MAF: variants seen among roughly 807,000 people sequenced by gnomAD.
MAF encodes transcription factor Maf.
Under a neutral mutation model 22.0 loss-of-function variants are expected in MAF, and 10 were observed. That is an observed-to-expected ratio of 0.45 (90% CI 0.28 to 0.77). MAF has a LOEUF of 0.77. Among genes scored for constraint, MAF ranks in the 30% least tolerant of loss-of-function variants. The probability of loss-of-function intolerance (pLI) is 0.12; values close to 1 mark genes in which losing one functional copy is unlikely to be tolerated. For synonymous variants in MAF, 337 were observed against 255.8 expected (o/e 1.32, Z -3.03); for missense variants, 544 against 548.4 (o/e 0.99, Z 0.08).
chr16:79,430,702 T>C, the MAF span, among the ~76,000 whole-genome samples: 8 of 152,316 alleles, frequency 5.3e-5, no homozygotes, highest in South Asian at 1.4e-3. Flanking sequence ...CGGCTAGGCC[T>C]GCAGCTGGTG....
the MAF span, among the ~76,000 whole-genome samples, chr16:79,334,736 G>C: frequency 6.6e-6 from 1 of 152,098 alleles, no homozygotes; most frequent in African/African-American, 2.4e-5. Context: ...AGCACTCGAG[G>C]TTAGTGCACT....
chr16:79,483,820 T>G, the MAF span, among the ~76,000 whole-genome samples: 17,216 of 152,162 alleles, frequency 0.11, 959 homozygotes, highest in East Asian at 0.17. Flanking sequence ...CTCCATCCTG[T>G]GAGCAAATAA....
chr16:79,257,584 C>T, the MAF span, among the ~76,000 whole-genome samples: 2 of 152,300 alleles, frequency 1.3e-5, no homozygotes, highest in Non-Finnish European at 2.9e-5. Context: ...CCTTGTACTG[C>T]TTATCTTGCT....
chr16:79,327,988 A>G, the MAF span, among the ~76,000 whole-genome samples: 1 of 152,222 alleles, frequency 6.6e-6, no homozygotes, highest in Non-Finnish European at 1.5e-5. Flanking sequence ...TAACCTGAAC[A>G]AACTCCTGAA....
the MAF span, among the ~76,000 whole-genome samples, chr16:79,550,629 G>C: frequency 2.6e-5 from 4 of 152,260 alleles, no homozygotes; most frequent in South Asian, 6.2e-4. Context: ...CCTCATGCTT[G>C]TAAGGAGGTA....
At chr16:79,418,092 C>A in the MAF span, among the ~76,000 whole-genome samples, 1 of 152,082 alleles carries the variant, frequency 6.6e-6, no homozygotes, top group Non-Finnish European at 1.5e-5. Flanking sequence ...AAGTGTGCAA[C>A]TGGCCTGAGG....
At chr16:79,522,083 A>G in the MAF span, among the ~76,000 whole-genome samples, 2 of 152,130 alleles carry the variant, frequency 1.3e-5, no homozygotes, top group Non-Finnish European at 2.9e-5. Flanking sequence ...TGAGGTGTGT[A>G]GGGGGATAGA....
chr16:79,539,412 G>A, the MAF span, among the ~76,000 whole-genome samples: 1 of 152,290 alleles, frequency 6.6e-6, no homozygotes, highest in South Asian at 2.1e-4. Context: ...GCTGAGGCAA[G>A]AGAATCACTC....
chr16:79,211,971 CCTGGGGTAAAGTATCACTTTT>C, the MAF span: 5 of 1,532,756 alleles, frequency 3.3e-6, no homozygotes, highest in Middle Eastern at 1.7e-4. Flanking sequence ...GCAGGGAATT[CCTGGGGTAAAGTATCACTTTT>C]CTGGGGCTGG....
chr16:79,336,722 G>C, the MAF span, among the ~76,000 whole-genome samples: 87 of 152,240 alleles, frequency 5.7e-4, 1 homozygote, highest in East Asian at 0.016. Flanking sequence ...GGAGTTTCAT[G>C]ACTTTTTACT....
the MAF span, among the ~76,000 whole-genome samples, chr16:79,261,872 G>A: frequency 1.3e-5 from 2 of 152,204 alleles, no homozygotes; most frequent in Admixed American, 1.3e-4. Flanking sequence ...GAAGGGAGGG[G>A]CCAGAATGCT....
the MAF span, among the ~76,000 whole-genome samples, chr16:79,429,118 A>G: frequency 1.3e-5 from 2 of 152,194 alleles, no homozygotes; most frequent in African/African-American, 2.4e-5. Context: ...AACCTTTATA[A>G]GCTTTGTTTT....
At chr16:79,204,211 A>C in the MAF span, 2 of 152,298 alleles carry the variant, frequency 1.3e-5, no homozygotes, top group Non-Finnish European at 1.5e-5. Context: ...CCCAGGCAGC[A>C]TCAGAGGGAA....
chr16:79,425,597 C>A, the MAF span, among the ~76,000 whole-genome samples: 1 of 152,046 alleles, frequency 6.6e-6, no homozygotes, highest in Non-Finnish European at 1.5e-5. Flanking sequence ...TAGGTATTTG[C>A]CATCATTAAA....
the MAF span, among the ~76,000 whole-genome samples, chr16:79,265,015 T>C: frequency 1.3e-5 from 2 of 152,146 alleles, no homozygotes; most frequent in Non-Finnish European, 2.9e-5. Context: ...ATCAACTCTT[T>C]AGGAAGCTCT....
At chr16:79,588,520 C>T (rs192483826) in intron 1 of MAF, among the ~76,000 whole-genome samples, 5 of 152,032 alleles carry the variant, frequency 3.3e-5, no homozygotes, top group East Asian at 1.9e-4. Context: ...CTGCAACCTC[C>T]GCCTCCCAGG....
In MAF at chr16:79,597,376, A is replaced by G. The variant is rs1913595321; in HGVS notation, c.1118+1409T>C. 5.8e-6 allele frequency: 6 copies of G among 1,036,162 alleles called. No homozygotes were observed. The East Asian group carries it at 2.3e-4, about 41-fold the overall frequency. The allele number at this position is 1,036,162 out of a possible 1,614,324, so 64.2% of individuals were successfully genotyped here. A position where few individuals can be genotyped will look rare whatever the true frequency, so the allele number is the denominator to read the frequency against. ...AAGCCAAAAAATATAAAATAAAAAT[A>G]AAACAAACCAAAAATAATGGGGCAG... On this transcript the variant is annotated intron_variant, in intron 1 of 1. Coordinates refer to ENST00000326043, the MANE Select transcript of MAF (RefSeq NM_005360.5).
chr16:79,497,243 A>G, the MAF span, among the ~76,000 whole-genome samples: 1 of 152,206 alleles, frequency 6.6e-6, no homozygotes, highest in Non-Finnish European at 1.5e-5. Flanking sequence ...ACAAGCAATA[A>G]TACAGAAGAA....
Position 79,597,387 on chromosome 16 carries a change from A to G in MAF, c.1118+1398T>C, listed in dbSNP as rs904058284. The G allele has an allele frequency of 7.7e-6, 8 of 1,034,704 alleles. No homozygotes were observed. The African/African-American group carries it at 1.3e-4, about 17-fold the overall frequency. The allele number at this position is 1,034,704 out of a possible 1,614,324, so 64.1% of individuals were successfully genotyped here. Reference sequence around the variant, plus strand: ...TATAAAATAAAAATAAAACAAACCAAAAATAATGGGGCAGTTTCTCTTTTT... The same window carrying G: ...TATAAAATAAAAATAAAACAAACCAGAAATAATGGGGCAGTTTCTCTTTTT... On this transcript the variant is annotated intron_variant, in intron 1 of 1. Coordinates refer to ENST00000326043, the MANE Select transcript of MAF (RefSeq NM_005360.5).
Sources: gnomAD v4.1 joint callset for allele counts (sites outside exome capture counted in the v4.1 genomes callset) on GRCh38, gnomAD v4.1.1 for gene constraint, MANE v1.5 for transcripts, NCBI Gene and HGNC (gene_info 2026-07-23, HGNC 2026-07-21) for gene names.